KIF3B: variants seen among roughly 807,000 people sequenced by gnomAD.
The protein encoded by KIF3B is kinesin family member 3B.
A neutral mutation model predicts 74.3 loss-of-function variants in KIF3B; 38 were observed. That is an observed-to-expected ratio of 0.51 (90% CI 0.39 to 0.67). The LOEUF is 0.67. Ranked by LOEUF, KIF3B falls within the 30% of genes least tolerant of loss-of-function variation. KIF3B has a pLI of 0.00. For synonymous variants in KIF3B, 326 were observed against 342.5 expected, an observed-to-expected ratio of 0.95 and a Z score of 0.53; for missense variants, 649 against 932.0, an observed-to-expected ratio of 0.70 and a Z score of 3.95.
chr20:32,309,075 G>A (rs1247806735), intron 1 of KIF3B, among the ~76,000 whole-genome samples: 1 of 152,046 alleles, frequency 6.6e-6, no homozygotes, highest in African/African-American at 2.4e-5. Context: ...GAAGGGCAGT[G>A]GCGTGATTGC....
intron 7 of KIF3B, among the ~76,000 whole-genome samples, chr20:32,329,640 C>T (rs1016694480): frequency 2.0e-5 from 3 of 151,984 alleles, no homozygotes; most frequent in African/African-American, 7.3e-5. Context: ...GGATACACAA[C>T]GTATTAAGTT....
chr20:32,290,576 A>T (rs2047686496), intron 1 of KIF3B, among the ~76,000 whole-genome samples: 2 of 152,176 alleles, frequency 1.3e-5, no homozygotes, highest in Admixed American at 1.3e-4. Flanking sequence ...ATGGATAAAG[A>T]ATATGTGGTA....
At chr20:32,315,845 TC>T (rs751246122) in intron 2 of KIF3B, among the ~76,000 whole-genome samples, 1 of 152,170 alleles carries the variant, frequency 6.6e-6, no homozygotes, top group Non-Finnish European at 1.5e-5. Flanking sequence ...TTGTCTGTTT[TC>T]CTCAGTGGAC....
rs868108858 is a variant in KIF3B at position 32,322,764 on chromosome 20, A to T, written c.1749-4007A>T. 5.7e-4 allele frequency among the ~76,000 whole-genome samples: 23 copies of T among 40,460 alleles called. 1 individual carries two copies. Among genetic ancestry groups the T allele is most frequent in the South Asian group, 1.2e-3 (2 of 1,620 alleles). 26.5% of individuals were successfully genotyped at this position (40,460 alleles called of 152,430 possible). A position where few individuals can be genotyped will look rare whatever the true frequency, so the allele number is the denominator to read the frequency against. On this transcript the variant is annotated intron_variant, in intron 5 of 8. Transcript: ENST00000375712. Reference sequence around the variant, plus strand: ...TATTTATTTATATATATATTTATATATATTTATATATATATTTATATATAT... The same window carrying T: ...TATTTATTTATATATATATTTATATTTATTTATATATATATTTATATATAT...
intron 2 of KIF3B, among the ~76,000 whole-genome samples, chr20:32,313,452 T>C (rs2122696505): frequency 6.6e-6 from 1 of 152,272 alleles, no homozygotes; most frequent in Non-Finnish European, 1.5e-5. Context: ...TGTTTTTTTG[T>C]TTGTTTGTTT....
chr20:32,333,632 C>CAAAAAAAAAAAAAAAAA lies in KIF3B; in HGVS notation c.*2323_*2339dup, dbSNP rs71187110. On this transcript the variant is annotated 3_prime_UTR_variant, in exon 9 of 9. Coordinates refer to ENST00000375712, the MANE Select transcript of KIF3B (RefSeq NM_004798.4). ...TGGGTGACAGAGTGAGACTCCCCCT[C>CAAAAAAAAAAAAAAAAA]AAAAAAAAAAAAAAAAAAAAAAAAA... is the stretch of plus-strand genomic sequence containing the variant. 3.0e-5 allele frequency: 1 copy of CAAAAAAAAAAAAAAAAA among 33,802 alleles called. No homozygotes were observed. Among genetic ancestry groups the CAAAAAAAAAAAAAAAAA allele is most frequent in the Non-Finnish European group, 5.9e-5 (1 of 16,812 alleles). The allele number at this position is 33,802 out of a possible 1,614,324, so 2.1% of individuals were successfully genotyped here.
At chr20:32,305,804 G>A (rs1232844667) in intron 1 of KIF3B, among the ~76,000 whole-genome samples, 2 of 150,740 alleles carry the variant, frequency 1.3e-5, no homozygotes, top group Non-Finnish European at 3.0e-5. Context: ...GGCTGGTCTC[G>A]AACTGCTGCT....
rs2047942228 is a variant in KIF3B, at chr20:32,333,678, A to C, written c.*2359A>C. 1 of 151,880 alleles carries C rather than the reference A, an allele frequency of 6.6e-6. No individual in the cohort carries two copies. The highest frequency in any genetic ancestry group is 6.6e-5 in the Admixed American group (1 of 15,200). The allele number at this position is 151,880 out of a possible 1,614,324, so 9.4% of individuals were successfully genotyped here. A position where few individuals can be genotyped will look rare whatever the true frequency, so the allele number is the denominator to read the frequency against. On this transcript the variant is annotated 3_prime_UTR_variant, in exon 9 of 9. Transcript: ENST00000375712. The stretch of plus-strand genomic sequence containing the variant: ...AAAAAACAGAAAGAAAGAAAAAGAA[A>C]ACTGCAGATAACCCTATACATTAAT...
chr20:32,287,747 A>G (rs527636746), intron 1 of KIF3B, among the ~76,000 whole-genome samples: 5 of 152,142 alleles, frequency 3.3e-5, no homozygotes, highest in Non-Finnish European at 7.3e-5. Flanking sequence ...GTTATACAGA[A>G]TATCTCCTTC....
At chr20:32,311,885 G>A (rs1462678134) in intron 2 of KIF3B, among the ~76,000 whole-genome samples, 7 of 145,260 alleles carry the variant, frequency 4.8e-5, no homozygotes, top group African/African-American at 7.7e-5. Flanking sequence ...TCACTGCAAC[G>A]TCTGCCATCC....
intron 1 of KIF3B, among the ~76,000 whole-genome samples, chr20:32,297,507 A>G (rs1043705775): frequency 2.0e-5 from 3 of 151,984 alleles, no homozygotes; most frequent in African/African-American, 4.9e-5. Context: ...CAGTGATTCA[A>G]TTTTGTAAAC....
chr20:32,278,819 T>A (rs988366728), intron 1 of KIF3B, among the ~76,000 whole-genome samples: 28 of 152,294 alleles, frequency 1.8e-4, no homozygotes, highest in African/African-American at 6.3e-4. Flanking sequence ...TTTCATTTAA[T>A]CTTTATGTAG....
chr20:32,304,602 A>C (rs2047760289), intron 1 of KIF3B, among the ~76,000 whole-genome samples: 1 of 152,224 alleles, frequency 6.6e-6, no homozygotes, highest in Non-Finnish European at 1.5e-5. Flanking sequence ...CTGCTGTTGC[A>C]GAGAATAAAG....
intron 1 of KIF3B, among the ~76,000 whole-genome samples, chr20:32,282,598 A>G (rs1449666044): frequency 6.6e-6 from 1 of 151,750 alleles, no homozygotes; most frequent in African/African-American, 2.4e-5. Flanking sequence ...CAGCCTGTGG[A>G]GCGGCAGGTG....
At chr20:32,319,983 C>T (rs1455537731) in intron 5 of KIF3B, among the ~76,000 whole-genome samples, 1 of 151,982 alleles carries the variant, frequency 6.6e-6, no homozygotes, top group Admixed American at 6.6e-5. Flanking sequence ...CAGCCTCTGC[C>T]TCCTGGGTTC....
intron 1 of KIF3B, among the ~76,000 whole-genome samples, chr20:32,293,510 T>A (rs889743371): frequency 6.6e-6 from 1 of 151,672 alleles, no homozygotes; most frequent in East Asian, 1.9e-4. Flanking sequence ...CTGAGGAGGT[T>A]GAGGTGGGAA....
In KIF3B at chr20:32,322,349, G is replaced by A. The variant is rs913194136; in HGVS notation, c.1749-4422G>A. On this transcript the variant is annotated intron_variant, in intron 5 of 8. Transcript: ENST00000375712. ...ACTGGCTGGGCATGGTGGCTCACACGTGTAATCCCAGCACTTTGAGAGGCC... is the reference window on the plus strand; with the variant it reads ...ACTGGCTGGGCATGGTGGCTCACACATGTAATCCCAGCACTTTGAGAGGCC... Among the ~76,000 whole-genome samples, 6 of 151,026 alleles carry A rather than the reference G, an allele frequency of 4.0e-5. 1 individual carries two copies. Among genetic ancestry groups the A allele is most frequent in the Admixed American group, 2.0e-4 (3 of 15,024 alleles).
Position 32,310,635 on chromosome 20 carries a change from A to G in KIF3B, c.858A>G (p.Lys286=). 6.2e-7 allele frequency: 1 copy of G among 1,614,060 alleles called. No individual in the cohort carries two copies. The highest frequency in any genetic ancestry group is 8.5e-7 in the Non-Finnish European group (1 of 1,180,012). ...GNVISALVDG[K]STHIPYRDSK... The stretch of plus-strand genomic sequence containing the variant: ...TCATCTCTGCTCTAGTGGACGGCAA[A>G]AGCACTCACATTCCATATCGGGACT... The change falls in exon 2 of 9, where the codon AAA becomes AAG. Residue 286 remains lysine (K), a synonymous_variant. Coordinates refer to ENST00000375712, the MANE Select transcript of KIF3B (RefSeq NM_004798.4). This position sits in a 1 kb window ranked among gnomAD's most constrained non-coding sequence, Gnocchi z 6.5.
intron 5 of KIF3B, among the ~76,000 whole-genome samples, chr20:32,318,004 T>C (rs1204309336): frequency 6.6e-6 from 1 of 152,034 alleles, no homozygotes; most frequent in African/African-American, 2.4e-5. Flanking sequence ...ATTCACATAT[T>C]TAAAGTGTAC....
Sources: gnomAD v4.1 joint callset for allele counts (sites outside exome capture counted in the v4.1 genomes callset) on GRCh38, gnomAD v4.1.1 for gene constraint, Gnocchi (gnomAD v3.1) non-coding constraint, MANE v1.5 for transcripts, NCBI Gene and HGNC (gene_info 2026-07-23, HGNC 2026-07-21) for gene names.